Variants in CASP9 observed in about 807,000 individuals in gnomAD.
CASP9 encodes caspase-9.
In CASP9, 29 loss-of-function variants were observed where a neutral mutation model predicts 43.5. The ratio of observed to expected loss-of-function variants is 0.67; its 90% CI spans 0.50 to 0.91. The LOEUF (loss-of-function observed/expected upper bound fraction) is 0.91. CASP9 is among the 40% of genes least tolerant of loss of function. The probability of loss-of-function intolerance (pLI) is 0.00; values close to 1 mark genes in which losing one functional copy is unlikely to be tolerated. For missense variants in CASP9, 575 were observed against 537.4 expected (o/e 1.07, Z -0.69); for synonymous variants, 206 against 211.9 (o/e 0.97, Z 0.24).
intron 6 of CASP9, among the ~76,000 whole-genome samples, chr1:15,503,105 G>T (rs745729849): frequency 2.0e-5 from 3 of 152,078 alleles, no homozygotes; most frequent in Non-Finnish European, 4.4e-5. Flanking sequence ...TATTAAAGTT[G>T]CCTGGGCACA....
upstream of CASP9, chr1:15,524,395 C>T: frequency 2.9e-6 from 4 of 1,363,880 alleles, no homozygotes; most frequent in Non-Finnish European, 3.7e-6. Context: ...CTTGCGTCAC[C>T]GCCCCGCCCT....
intron 6 of CASP9, among the ~76,000 whole-genome samples, chr1:15,501,216 G>A (rs4646072): frequency 0.27 from 41,596 of 152,008 alleles, 6,525 homozygotes; most frequent in African/African-American, 0.42. Context: ...CCCCAAAATT[G>A]ACGGCTCAGC....
intron 2 of CASP9, among the ~76,000 whole-genome samples, chr1:15,517,073 T>G (rs1709978938): frequency 1.3e-5 from 2 of 152,172 alleles, no homozygotes; most frequent in Non-Finnish European, 2.9e-5. Context: ...CTATTATGAT[T>G]ATTAACTTTG....
intron 4 of CASP9, 50 bp downstream of exon 4, chr1:15,506,849 C>G (rs770232388): frequency 4.7e-6 from 7 of 1,488,244 alleles, no homozygotes; most frequent in Non-Finnish European, 6.5e-6. Context: ...AAAGATACTT[C>G]CCCACCCACT....
chr1:15,524,792 G>A (rs1300175796), upstream of CASP9: 1 of 974,138 alleles, frequency 1.0e-6, no homozygotes, highest in Admixed American at 6.9e-5. Context: ...GACGCATCTA[G>A]AAGGTCTCGC....
chr1:15,505,603 C>G (rs1709486977), intron 5 of CASP9, among the ~76,000 whole-genome samples: 1 of 152,162 alleles, frequency 6.6e-6, no homozygotes, highest in African/African-American at 2.4e-5. Flanking sequence ...GCCAAGCCCC[C>G]AGTGGGCCTG....
At chr1:15,512,942 G>A (rs913169387) in intron 2 of CASP9, among the ~76,000 whole-genome samples, 1 of 152,192 alleles carries the variant, frequency 6.6e-6, no homozygotes, top group South Asian at 2.1e-4. Flanking sequence ...CAGATCACGA[G>A]GTCAGGAGAT....
intron 8 of CASP9, chr1:15,493,271 G>T: frequency 7.2e-7 from 1 of 1,386,456 alleles, no homozygotes; most frequent in Admixed American, 3.2e-5. Flanking sequence ...TTTGCAAGGA[G>T]CCAGGAGTGG....
At chr1:15,493,200 C>T in intron 8 of CASP9, 165 bp from the exon 9 acceptor site, 1 of 1,416,022 alleles carries the variant, frequency 7.1e-7, no homozygotes, top group Non-Finnish European at 9.2e-7. Context: ...CTCAACTTTA[C>T]CTTTAAAAAA....
chr1:15,516,975 A>G (rs1338219488), intron 2 of CASP9, among the ~76,000 whole-genome samples: 1 of 152,222 alleles, frequency 6.6e-6, no homozygotes, highest in Non-Finnish European at 1.5e-5. Context: ...GCCTTACAAG[A>G]GAGATGGAGA....
intron 1 of CASP9, among the ~76,000 whole-genome samples, chr1:15,519,478 G>A (rs1369432075): frequency 1.3e-5 from 2 of 152,078 alleles, no homozygotes; most frequent in East Asian, 1.9e-4. Context: ...TACCATGCCC[G>A]GCCACCAAAG....
Position 15,518,352 on chromosome 1 carries a change from A to G in CASP9, c.176T>C (p.Ile59Thr), listed in dbSNP as rs1710040785. The G allele has an allele frequency of 6.2e-7, 1 of 1,613,852 alleles. No homozygotes were observed. The highest frequency in any genetic ancestry group is 8.5e-7 in the Non-Finnish European group (1 of 1,180,018). Residue 59 changes from isoleucine to threonine, a missense_variant, in exon 2 of 9, where the codon ATC becomes ACC. Ile to Thr is a moderately conservative substitution (Grantham distance 89). Coordinates refer to ENST00000333868, the MANE Select transcript of CASP9 (RefSeq NM_001229.5). ...GSRRDQARQL[I>T]IDLETRGSQA... ...ACTCCCTCGAGTCTCCAGATCTATG[A>G]TCAGCTGCCTGGCCTGATCCCGCCG...
chr1:15,500,631 T>C (rs1283759959), intron 6 of CASP9, among the ~76,000 whole-genome samples: 1 of 152,178 alleles, frequency 6.6e-6, no homozygotes, highest in Non-Finnish European at 1.5e-5. Context: ...GTGACAGCCA[T>C]GTTTTTCTCC....
chr1:15,505,919 T>C (rs1709500489), intron 5 of CASP9, 71 bp downstream of exon 5: 1 of 1,191,038 alleles, frequency 8.4e-7, no homozygotes, highest in Non-Finnish European at 1.3e-6. Context: ...AGAAGGGACA[T>C]GGCCCCTGCA....
chr1:15,516,918 A>G (rs1709972641), intron 2 of CASP9, among the ~76,000 whole-genome samples: 1 of 152,208 alleles, frequency 6.6e-6, no homozygotes, highest in Non-Finnish European at 1.5e-5. Flanking sequence ...ATTTGGCACA[A>G]GTCATCTCCC....
At position 15,499,284 on chromosome 1, in the gene CASP9, G is replaced by A. The variant is rs79373127; in HGVS notation, c.869-3832C>T. The stretch of plus-strand genomic sequence containing the variant: ...AGTGATTTTATCTCTAAAATCAGTC[G>A]TTGTATACCTTAAATTTTTAATTCA... On this transcript the variant is annotated intron_variant, in intron 6 of 8. Coordinates refer to ENST00000333868, the MANE Select transcript of CASP9 (RefSeq NM_001229.5). 4.3e-3 allele frequency among the ~76,000 whole-genome samples: 653 copies of A among 152,208 alleles called. 3 individuals are homozygous for A. The highest frequency in any genetic ancestry group is 0.01 in the Middle Eastern group (3 of 294).
intron 7 of CASP9, among the ~76,000 whole-genome samples, chr1:15,494,862 C>CAAAAAAAAAA (rs563954013): frequency 9.0e-5 from 4 of 44,298 alleles, no homozygotes; most frequent in African/African-American, 2.9e-4. Flanking sequence ...GATTCCATCT[C>CAAAAAAAAAA]AAAAAAAAAA....
At chr1:15,508,954 G>A (rs1032537477) in intron 2 of CASP9, among the ~76,000 whole-genome samples, 1 of 152,334 alleles carries the variant, frequency 6.6e-6, no homozygotes, top group South Asian at 2.1e-4. Context: ...CACAAGATTG[G>A]AGTGGGGCTG....
chr1:15,507,351 G>T (rs145897884), intron 3 of CASP9, among the ~76,000 whole-genome samples: 1 of 152,202 alleles, frequency 6.6e-6, no homozygotes, highest in African/African-American at 2.4e-5. Flanking sequence ...CTAGGCCGGG[G>T]TGTACCTGAG....
Sources: allele counts gnomAD v4.1 joint callset (sites outside exome capture counted in the v4.1 genomes callset), GRCh38; gene constraint gnomAD v4.1.1; transcripts MANE v1.5; gene names NCBI Gene and HGNC (gene_info 2026-07-23, HGNC 2026-07-21).